The following OTOGL variants were observed in gnomAD, a reference collection of about 807,000 sequenced individuals.
OTOGL encodes the protein otogelin-like protein.
Under a neutral mutation model 318.5 loss-of-function variants are expected in OTOGL, and 285 were observed. The observed-to-expected ratio is 0.89, with a 90% CI of 0.81 to 0.99. OTOGL has a LOEUF of 0.99. Ranked by LOEUF, OTOGL falls within the 50% of genes least tolerant of loss-of-function variation. The pLI is 0.00. For synonymous variants in OTOGL, 987 were observed against 936.5 expected (o/e 1.05, Z -0.99); for missense variants, 2,899 against 2,845.6 (o/e 1.02, Z -0.43).
chr12:80,237,395 G>A (rs1036821358), intron 9 of OTOGL, among the ~76,000 whole-genome samples: 4 of 152,116 alleles, frequency 2.6e-5, no homozygotes, highest in African/African-American at 7.2e-5. Context: ...GAGCAAGTGT[G>A]TGATTGGTGC....
chr12:80,261,040 G>A (rs1419443422), intron 18 of OTOGL, among the ~76,000 whole-genome samples: 2 of 152,072 alleles, frequency 1.3e-5, no homozygotes, highest in East Asian at 3.9e-4. Flanking sequence ...CGAAAGGGTG[G>A]GGACAAGGAA....
At chr12:80,129,658 C>T (rs950858363) in intron 1 of OTOGL, among the ~76,000 whole-genome samples, 2 of 151,896 alleles carry the variant, frequency 1.3e-5, no homozygotes, top group South Asian at 2.1e-4. Context: ...TCCTAAAATA[C>T]TTTGTTACCT....
chr12:80,319,301 C>G (rs117825885), intron 33 of OTOGL, among the ~76,000 whole-genome samples: 5,856 of 152,222 alleles, frequency 0.038, 144 homozygotes, highest in Non-Finnish European at 0.057. Flanking sequence ...AGTTTCCCTT[C>G]TGATCCAGTG....
intron 26 of OTOGL, among the ~76,000 whole-genome samples, chr12:80,289,928 G>C (rs1281749317): frequency 1.3e-5 from 2 of 152,086 alleles, no homozygotes; most frequent in Non-Finnish European, 2.9e-5. Context: ...TGGGGTTCCA[G>C]GTGCCTCTGG....
At chr12:80,144,518 G>A (rs895162543) in intron 1 of OTOGL, among the ~76,000 whole-genome samples, 8 of 149,232 alleles carry the variant, frequency 5.4e-5, no homozygotes, top group African/African-American at 7.6e-5. Flanking sequence ...ATAAACATAC[G>A]TGTGCATGTG....
At chr12:80,281,746 A>T (rs1360842978) in intron 26 of OTOGL, among the ~76,000 whole-genome samples, 1 of 151,816 alleles carries the variant, frequency 6.6e-6, no homozygotes, top group Admixed American at 6.6e-5. Context: ...GTTCTTAAAC[A>T]TTCTGTGCCT....
intron 6 of OTOGL, among the ~76,000 whole-genome samples, chr12:80,220,440 T>C (rs1878201378): frequency 6.6e-6 from 1 of 152,164 alleles, no homozygotes; most frequent in Non-Finnish European, 1.5e-5. Context: ...ATTACAGGCA[T>C]GAGCCACTGT....
intron 1 of OTOGL, among the ~76,000 whole-genome samples, chr12:80,207,567 A>G (rs1238486455): frequency 6.6e-6 from 1 of 152,190 alleles, no homozygotes; most frequent in Non-Finnish European, 1.5e-5. Context: ...AGGAAAAATA[A>G]TCCTGAAGTA....
intron 58 of OTOGL, among the ~76,000 whole-genome samples, chr12:80,377,418 A>T (rs138787935): frequency 6.6e-6 from 1 of 152,260 alleles, no homozygotes; most frequent in Non-Finnish European, 1.5e-5. Flanking sequence ...TGCAATCCAG[A>T]GGGATAGAAA....
At chr12:80,164,066 G>A (rs970377962) in intron 1 of OTOGL, among the ~76,000 whole-genome samples, 73 of 152,090 alleles carry the variant, frequency 4.8e-4, no homozygotes, top group African/African-American at 1.6e-3. Context: ...CTCAAGAATA[G>A]GGTACCCAAA....
intron 1 of OTOGL, among the ~76,000 whole-genome samples, chr12:80,190,858 T>A (rs910668925): frequency 6.6e-6 from 1 of 150,750 alleles, no homozygotes; most frequent in Non-Finnish European, 1.5e-5. Flanking sequence ...TCCTTAGTGG[T>A]TTCTTTTTAA....
At chr12:80,370,724 T>C in intron 56 of OTOGL, 35 bp downstream of exon 56, 1 of 1,412,212 alleles carries the variant, frequency 7.1e-7, no homozygotes, top group Non-Finnish European at 9.6e-7. Context: ...AAATTTATTA[T>C]TATATAATTT....
intron 1 of OTOGL, among the ~76,000 whole-genome samples, chr12:80,203,323 C>T (rs1174450873): frequency 6.6e-6 from 1 of 151,952 alleles, no homozygotes; most frequent in Non-Finnish European, 1.5e-5. Flanking sequence ...CTTTTTCCAT[C>T]TTCAAATTTT....
In OTOGL at chr12:80,183,175, A is replaced by G. The variant is rs541628365; in HGVS notation, c.-19-26238A>G. 2.8e-4 allele frequency among the ~76,000 whole-genome samples: 42 copies of G among 152,238 alleles called. No homozygotes were observed. In the East Asian group the frequency reaches 7.4e-3, roughly 27 times the overall value. On this transcript the variant is annotated intron_variant, in intron 1 of 58. Coordinates refer to ENST00000547103, the MANE Select transcript of OTOGL (RefSeq NM_001378609.3). The stretch of plus-strand genomic sequence containing the variant: ...ACACTGCATAAACATGTATCACTGA[A>G]CTGTGGAGACCAACTAGGTAATTAC...
At chr12:80,166,837 A>G (rs541579129) in intron 1 of OTOGL, among the ~76,000 whole-genome samples, 1 of 152,284 alleles carries the variant, frequency 6.6e-6, no homozygotes, top group Non-Finnish European at 1.5e-5. Flanking sequence ...ACATGGTGAG[A>G]TAAATAAAGC....
chr12:80,276,896 G>A (rs1227047392), intron 24 of OTOGL, among the ~76,000 whole-genome samples: 2 of 151,490 alleles, frequency 1.3e-5, no homozygotes, highest in Admixed American at 1.3e-4. Flanking sequence ...ACAGTACTGT[G>A]TACGAACAGC....
rs77632293 is a variant in OTOGL, at chr12:80,197,759, C to T, written c.-19-11654C>T. Reference sequence around the variant, plus strand: ...TCGAGTTCAGCTCTCCAAGGCAGCCCGCAGAGGCGTGTGGTGGCATCTTTC... The same window carrying T: ...TCGAGTTCAGCTCTCCAAGGCAGCCTGCAGAGGCGTGTGGTGGCATCTTTC... On this transcript the variant is annotated intron_variant, in intron 1 of 58. Coordinates refer to ENST00000547103, the MANE Select transcript of OTOGL (RefSeq NM_001378609.3). 1.2e-3 allele frequency among the ~76,000 whole-genome samples: 182 copies of T among 152,328 alleles called. 1 individual carries two copies. Among genetic ancestry groups the T allele is most frequent in the East Asian group, 4.1e-3 (21 of 5,174 alleles).
intron 57 of OTOGL, 91 bp downstream of exon 57, chr12:80,372,155 A>G: frequency 1.2e-6 from 1 of 802,292 alleles, no homozygotes; most frequent in Non-Finnish European, 1.8e-6. Flanking sequence ...TTCAATTCCT[A>G]TGATGCAAAG....
chr12:80,292,847 A>G (rs1308311278), intron 26 of OTOGL, among the ~76,000 whole-genome samples: 1 of 152,220 alleles, frequency 6.6e-6, no homozygotes. Context: ...AAAGTTAAAC[A>G]CCATTTCATA....
Sources: gnomAD v4.1 joint callset for allele counts (sites outside exome capture counted in the v4.1 genomes callset) on GRCh38, gnomAD v4.1.1 for gene constraint, MANE v1.5 for transcripts, NCBI Gene and HGNC (gene_info 2026-07-23, HGNC 2026-07-21) for gene names.